EDARADD: variants seen among roughly 807,000 people sequenced by gnomAD.
EDARADD encodes EDAR associated via death domain.
EDARADD carries 20 observed loss-of-function variants against 25.6 expected under a neutral mutation model. The ratio of observed to expected loss-of-function variants is 0.78; its 90% CI spans 0.55 to 1.14. The LOEUF (loss-of-function observed/expected upper bound fraction) is 1.14, where lower values mean the gene tolerates loss of function less well. Ranked by LOEUF, EDARADD falls within the 50% of genes most tolerant of loss-of-function variation. EDARADD has a pLI of 0.00. For missense variants in EDARADD, 225 were observed against 270.1 expected, an observed-to-expected ratio of 0.83 and a Z score of 1.17; for synonymous variants, 86 against 94.4, an observed-to-expected ratio of 0.91 and a Z score of 0.52.
At chr1:236,475,026 G>A (rs1408405018) in intron 5 of EDARADD, among the ~76,000 whole-genome samples, 4 of 152,042 alleles carry the variant, frequency 2.6e-5, no homozygotes, top group South Asian at 4.1e-4. Context: ...CCAGCTACTC[G>A]GGAGGGTGAG....
intron 5 of EDARADD, among the ~76,000 whole-genome samples, chr1:236,481,825 A>T (rs1409485143): frequency 6.7e-6 from 1 of 150,020 alleles, no homozygotes; most frequent in Non-Finnish European, 1.5e-5. Context: ...AGAAATGAGC[A>T]TTCTGAGGCC....
At chr1:236,480,128 T>TCAC (rs1659631062) in intron 5 of EDARADD, among the ~76,000 whole-genome samples, 1 of 126,860 alleles carries the variant, frequency 7.9e-6, no homozygotes, top group Admixed American at 8.0e-5. Context: ...TATATATATA[T>TCAC]ATATATATCA....
Position 236,451,623 on chromosome 1 carries a change from A to G in EDARADD, c.220-16608A>G, listed in dbSNP as rs528544027. On this transcript the variant is annotated intron_variant, in intron 4 of 5. Coordinates refer to ENST00000334232, the MANE Select transcript of EDARADD (RefSeq NM_145861.4). ...TTTTTAGTAGAGATGGGGTTTTGCC[A>G]TGTTGCCCAGGCTGGTCTTGAACTC... is the stretch of plus-strand genomic sequence containing the variant. Among the ~76,000 whole-genome samples, 62 of 152,230 alleles carry G rather than the reference A, an allele frequency of 4.1e-4. 1 individual carries two copies. Among genetic ancestry groups the G allele is most frequent in the South Asian group, 1.2e-3 (6 of 4,824 alleles).
At chr1:236,457,675 CG>C (rs939228972) in intron 4 of EDARADD, among the ~76,000 whole-genome samples, 2 of 151,026 alleles carry the variant, frequency 1.3e-5, no homozygotes, top group African/African-American at 4.9e-5. Flanking sequence ...AAAAATTAGC[CG>C]GGTGTAGTGG....
chr1:236,462,497 G>A (rs1009309258), intron 4 of EDARADD, among the ~76,000 whole-genome samples: 2 of 151,978 alleles, frequency 1.3e-5, no homozygotes, highest in South Asian at 2.1e-4. Flanking sequence ...CGTGTCTCCC[G>A]TCACATCAGT....
intron 1 of EDARADD, among the ~76,000 whole-genome samples, chr1:236,401,278 T>C (rs1192134102): frequency 6.6e-6 from 1 of 152,192 alleles, no homozygotes; most frequent in African/African-American, 2.4e-5. Context: ...TAATTGCCTG[T>C]AATTCTTCAC....
At chr1:236,414,426 A>T (rs1297593368) in intron 3 of EDARADD, 127 bp downstream of exon 3, 1 of 696,282 alleles carries the variant, frequency 1.4e-6, no homozygotes, top group Non-Finnish European at 2.5e-6. Flanking sequence ...TTAGCTCGTG[A>T]CTTGTGACAT....
chr1:236,414,286 G>A lies in EDARADD; in HGVS notation c.147G>A (p.Thr49=), dbSNP rs146108503. Residue 49 remains threonine (T), a synonymous_variant, in exon 3 of 6, where the codon ACG becomes ACA. Transcript: ENST00000334232. ...CAGACAAATATCCCATTCAAGATAC[G>A]GAACTCCCTAAAGGTATGTACAGTT... ...NMSDKYPIQD[T]ELPKAEECDT... is the part of the protein sequence containing the mutation. 162 of 1,610,400 alleles carry A rather than the reference G, an allele frequency of 1.0e-4. 1 individual carries two copies. Among genetic ancestry groups the A allele is most frequent in the Non-Finnish European group, 1.3e-4 (150 of 1,176,998 alleles).
chr1:236,458,357 A>AAT (rs1658932851), intron 4 of EDARADD, among the ~76,000 whole-genome samples: 1 of 152,082 alleles, frequency 6.6e-6, no homozygotes, highest in South Asian at 2.1e-4. Flanking sequence ...CTGGCCTTAA[A>AAT]AAACTTATCT....
chr1:236,474,933 G>A (rs1659462278), intron 5 of EDARADD, among the ~76,000 whole-genome samples: 2 of 152,280 alleles, frequency 1.3e-5, no homozygotes, highest in Non-Finnish European at 2.9e-5. Context: ...GGGCGTTGGA[G>A]ACCAGCCTGG....
rs1301274771 is a variant in EDARADD at position 236,395,063 on chromosome 1, G to T, written c.61+558G>T. ...AGCCTGCTTAAAGATCAGGAAATTT[G>T]TCTAAATATCAGATCGCCGGCGGGC... is the stretch of plus-strand genomic sequence containing the variant. On this transcript the variant is annotated intron_variant, in intron 1 of 5. Coordinates refer to ENST00000334232, the MANE Select transcript of EDARADD (RefSeq NM_145861.4). The surrounding 1 kb of genome is among the most constrained non-coding windows in gnomAD (Gnocchi z 6.9). Among the ~76,000 whole-genome samples the T allele has an allele frequency of 6.6e-6, 1 of 152,238 alleles. No homozygotes were observed. The highest frequency in any genetic ancestry group is 2.4e-5 in the African/African-American group (1 of 41,466).
At chr1:236,388,917 A>G (rs1483414879) in intron 3 of EDARADD, among the ~76,000 whole-genome samples, 1 of 152,210 alleles carries the variant, frequency 6.6e-6, no homozygotes, top group Non-Finnish European at 1.5e-5. Context: ...GTAGAAAGAT[A>G]CTGAACGCTA....
chr1:236,375,124 T>G (rs1667212037), intron 3 of EDARADD, among the ~76,000 whole-genome samples: 1 of 152,110 alleles, frequency 6.6e-6, no homozygotes, highest in Admixed American at 6.5e-5. Flanking sequence ...GCAATATACA[T>G]TTACAGCTAA....
chr1:236,452,849 C>A (rs571172604), intron 4 of EDARADD, among the ~76,000 whole-genome samples: 1 of 152,106 alleles, frequency 6.6e-6, no homozygotes, highest in Non-Finnish European at 1.5e-5. Flanking sequence ...TAAAGACATC[C>A]CATCTCACAT....
intron 4 of EDARADD, among the ~76,000 whole-genome samples, chr1:236,463,057 C>T (rs1040388449): frequency 4.7e-5 from 5 of 107,444 alleles, no homozygotes; most frequent in Non-Finnish European, 8.0e-5. Context: ...CATTAATTTA[C>T]ACACACATTT....
At chr1:236,458,179 GA>G (rs747953658) in intron 4 of EDARADD, among the ~76,000 whole-genome samples, 9 of 152,204 alleles carry the variant, frequency 5.9e-5, no homozygotes, top group Non-Finnish European at 1.3e-4. Context: ...TCACTTTAAG[GA>G]CTTGATCCTA....
chr1:236,403,769 G>T (rs1000244234), intron 1 of EDARADD, among the ~76,000 whole-genome samples: 2 of 152,150 alleles, frequency 1.3e-5, no homozygotes, highest in African/African-American at 2.4e-5. Context: ...GGTGCAGCCC[G>T]CCCTGCCTGC....
chr1:236,409,348 TA>T (rs1169178553), intron 2 of EDARADD, 74 bp downstream of exon 2: 3 of 1,221,188 alleles, frequency 2.5e-6, no homozygotes, highest in Non-Finnish European at 3.6e-6. Flanking sequence ...TTTACGTTTT[TA>T]TTACTCAGTA....
At position 236,375,239 on chromosome 1, in the gene EDARADD, T is replaced by C. The variant is rs1190411854; in HGVS notation, c.-6+24400T>C. 6.5e-4 allele frequency among the ~76,000 whole-genome samples: 99 copies of C among 152,134 alleles called. 1 individual carries two copies. The highest frequency in any genetic ancestry group is 1.9e-4 in the Non-Finnish European group (13 of 68,030). ...TCCCTCCTATTTCTTAAATCATTAT[T>C]GTAATTCATTTCACAGATACATAAG... On this transcript the variant is annotated intron_variant, in intron 3 of 7. Transcript: ENST00000439430.
Sources: allele counts gnomAD v4.1 joint callset (sites outside exome capture counted in the v4.1 genomes callset), GRCh38; gene constraint gnomAD v4.1.1; non-coding constraint Gnocchi (gnomAD v3.1); transcripts MANE v1.5; gene names NCBI Gene and HGNC (gene_info 2026-07-23, HGNC 2026-07-21).